The following CCDC171 variants were observed in gnomAD, a reference collection of about 807,000 sequenced individuals.
CCDC171 encodes the protein coiled-coil domain containing 171.
In CCDC171, 177 loss-of-function variants were observed where a neutral mutation model predicts 168.2. The observed-to-expected ratio is 1.05, with a 90% confidence interval of 0.93 to 1.19. CCDC171 has a LOEUF of 1.19. Ranked by LOEUF, CCDC171 falls within the 50% of genes most tolerant of loss-of-function variation. The pLI, the probability that CCDC171 is intolerant of heterozygous loss-of-function variation, is 0.00. For missense variants in CCDC171, 1,991 were observed against 1,539.0 expected (o/e 1.29, Z -4.91); for synonymous variants, 687 against 540.8 (o/e 1.27, Z -3.75).
rs1234259295 is a variant in CCDC171 at position 15,797,721 on chromosome 9, G to GTTGTA, written c.3267+13030_3267+13031insTATTG. ...CCATATTCTAACTTTTATTGTTGTAGTTGATCCTTTTTATATTTCATCTAA... is the reference window on the plus strand; with the variant it reads ...CCATATTCTAACTTTTATTGTTGTAGTTGTATTGATCCTTTTTATATTTCATCTAA... On this transcript the variant is annotated intron_variant, in intron 21 of 25. Coordinates refer to ENST00000380701, the MANE Select transcript of CCDC171 (RefSeq NM_173550.4). 3.3e-5 allele frequency among the ~76,000 whole-genome samples: 5 copies of GTTGTA among 152,028 alleles called. No homozygotes were observed. The East Asian group carries it at 9.6e-4, about 29-fold the overall frequency.
chr9:15,676,633 A>T (rs1247028181), intron 9 of CCDC171, among the ~76,000 whole-genome samples: 2 of 151,672 alleles, frequency 1.3e-5, no homozygotes, highest in African/African-American at 4.8e-5. Flanking sequence ...TGTATTTTGG[A>T]TCTCTTTTTG....
intron 11 of CCDC171, among the ~76,000 whole-genome samples, chr9:15,704,349 C>T (rs370290260): frequency 6.6e-6 from 1 of 152,158 alleles, no homozygotes; most frequent in African/African-American, 2.4e-5. Flanking sequence ...ATAATGAGAT[C>T]CCATCTTTAA....
At chr9:15,619,310 C>G (rs552034854) in intron 6 of CCDC171, among the ~76,000 whole-genome samples, 1 of 152,054 alleles carries the variant, frequency 6.6e-6, no homozygotes, top group Non-Finnish European at 1.5e-5. Context: ...TCTTTAGTGC[C>G]GAACAGCCAA....
the CCDC171 span, among the ~76,000 whole-genome samples, chr9:16,077,488 G>A: frequency 2.6e-5 from 4 of 152,158 alleles, no homozygotes; most frequent in South Asian, 2.1e-4. Context: ...GCCAATGGGA[G>A]GCTAGTGGAT....
At chr9:16,044,867 C>T (rs909958402) in intron 1 of CCDC171, among the ~76,000 whole-genome samples, 17 of 152,192 alleles carry the variant, frequency 1.1e-4, no homozygotes, top group Non-Finnish European at 5.9e-5. Context: ...AAAGCCCTTT[C>T]TCCTTCTTGT....
chr9:15,901,201 G>A (rs1372759365), intron 24 of CCDC171, among the ~76,000 whole-genome samples: 1 of 152,052 alleles, frequency 6.6e-6, no homozygotes, highest in East Asian at 1.9e-4. Context: ...GGGGAGCGAG[G>A]GATGAATCTG....
intron 24 of CCDC171, among the ~76,000 whole-genome samples, chr9:15,910,460 T>G (rs577658009): frequency 1.9e-3 from 291 of 152,292 alleles, no homozygotes; most frequent in African/African-American, 5.4e-3. Context: ...GCTATTTTGC[T>G]TACGATAGCC....
chr9:15,951,194 T>C (rs921826294), intron 25 of CCDC171, among the ~76,000 whole-genome samples: 1 of 150,394 alleles, frequency 6.6e-6, no homozygotes, highest in African/African-American at 2.4e-5. Flanking sequence ...AACACCCCAC[T>C]GTCAACATTG....
At chr9:15,945,185 C>G (rs960020705) in intron 25 of CCDC171, among the ~76,000 whole-genome samples, 4 of 150,254 alleles carry the variant, frequency 2.7e-5, no homozygotes, top group African/African-American at 9.7e-5. Context: ...CAATTTCATC[C>G]ATGTCCCTAC....
At chr9:15,615,342 A>G (rs2044003260) in intron 6 of CCDC171, among the ~76,000 whole-genome samples, 1 of 152,168 alleles carries the variant, frequency 6.6e-6, no homozygotes, top group South Asian at 2.1e-4. Flanking sequence ...TATTTTAGGA[A>G]AACATCTTTT....
chr9:15,731,650 A>G (rs1359910848), intron 16 of CCDC171, among the ~76,000 whole-genome samples: 13 of 152,080 alleles, frequency 8.5e-5, no homozygotes, highest in Non-Finnish European at 5.9e-5. Context: ...TGTAAGTAAA[A>G]TTGCCACAAA....
rs1249211587 is a variant in CCDC171, at chr9:15,623,473, GCGCACA to G, written c.822+62_822+67del. On this transcript the variant is annotated intron_variant, in intron 7 of 25. Coordinates refer to ENST00000380701, the MANE Select transcript of CCDC171 (RefSeq NM_173550.4). ...TACAAACTTTCACATATGCGCGCGCGCGCACACACACACACACACACACACACACAC... is the reference window on the plus strand; with the variant it reads ...TACAAACTTTCACATATGCGCGCGCGCACACACACACACACACACACACAC... 137 of 464,696 alleles carry G rather than the reference GCGCACA, an allele frequency of 2.9e-4. 1 individual carries two copies. Among genetic ancestry groups the G allele is most frequent in the Admixed American group, 8.3e-5 (2 of 24,166 alleles). The allele number at this position is 464,696 out of a possible 1,614,324, so 28.8% of individuals were successfully genotyped here. A position where few individuals can be genotyped will look rare whatever the true frequency, so the allele number is the denominator to read the frequency against.
chr9:15,572,488 G>A (rs1411151431), intron 3 of CCDC171, among the ~76,000 whole-genome samples: 2 of 152,072 alleles, frequency 1.3e-5, no homozygotes, highest in African/African-American at 2.4e-5. Flanking sequence ...GTTTCTCATT[G>A]TGAACTGCTG....
intron 8 of CCDC171, among the ~76,000 whole-genome samples, chr9:15,664,509 G>A (rs899191322): frequency 2.0e-5 from 3 of 149,958 alleles, no homozygotes; most frequent in East Asian, 2.0e-4. Flanking sequence ...TTGGCCTCCC[G>A]GAGTGTTGGG....
Position 15,777,798 on chromosome 9 carries a change from A to G in CCDC171, c.2870A>G (p.Tyr957Cys), listed in dbSNP as rs774231599. The change falls in exon 19 of 26, where the codon TAT becomes TGT. Residue 957 changes from tyrosine to cysteine, a missense_variant. Transcript: ENST00000380701. ...AAAGTAAACACACTGGCCCTGAAAT[A>G]TGGTTTGCGTGGCCATGTGCCCATT... The part of the protein sequence containing the change: ...LHKVNTLALK[Y>C]GLRGHVPITK... 1.1e-5 allele frequency: 17 copies of G among 1,611,368 alleles called. No homozygotes were observed. Among genetic ancestry groups the G allele is most frequent in the Non-Finnish European group, 1.4e-5 (17 of 1,179,348 alleles).
chr9:15,611,107 G>A (rs2043651134), intron 6 of CCDC171, among the ~76,000 whole-genome samples: 1 of 152,090 alleles, frequency 6.6e-6, no homozygotes, highest in Admixed American at 6.5e-5. Flanking sequence ...TCATTTAAAA[G>A]TGTGTAGCGC....
the CCDC171 span, among the ~76,000 whole-genome samples, chr9:16,070,464 A>C: frequency 6.6e-6 from 1 of 152,212 alleles, no homozygotes; most frequent in African/African-American, 2.4e-5. Flanking sequence ...AGAAGCCAGA[A>C]GGGACTTTTT....
rs1027661604 is a variant in CCDC171, at chr9:15,661,525, T to A, written c.915+4306T>A. 5.3e-5 allele frequency among the ~76,000 whole-genome samples: 8 copies of A among 152,316 alleles called. No individual in the cohort carries two copies. The East Asian group carries it at 1.5e-3, about 29-fold the overall frequency. The stretch of plus-strand genomic sequence containing the variant: ...ACTTAGAAAAAGTGAAAAGTTTATA[T>A]TTGAATCATAAATCTATAAATATTT... On this transcript the variant is annotated intron_variant, in intron 8 of 25. Coordinates refer to ENST00000380701, the MANE Select transcript of CCDC171 (RefSeq NM_173550.4).
intron 25 of CCDC171, among the ~76,000 whole-genome samples, chr9:15,928,568 C>T (rs190746559): frequency 8.6e-4 from 131 of 151,818 alleles, no homozygotes; most frequent in Non-Finnish European, 1.6e-3. Context: ...ATTTTCCTTA[C>T]CCAAATTTCA....
Sources: gnomAD v4.1 joint callset for allele counts (sites outside exome capture counted in the v4.1 genomes callset) on GRCh38, gnomAD v4.1.1 for gene constraint, MANE v1.5 for transcripts, NCBI Gene and HGNC (gene_info 2026-07-23, HGNC 2026-07-21) for gene names.